Variants in SUMO2 observed in about 807,000 individuals in gnomAD.
SUMO2 encodes the protein small ubiquitin-related modifier 2.
A neutral mutation model predicts 16.0 loss-of-function variants in SUMO2; 1 was observed. The observed-to-expected ratio is 0.06, with a 90% CI of 0.02 to 0.30. The LOEUF (loss-of-function observed/expected upper bound fraction) is 0.30. Among genes scored for constraint, SUMO2 ranks in the 10% least tolerant of loss-of-function variants. The probability of loss-of-function intolerance (pLI) is 1.00; values close to 1 mark genes in which losing one functional copy is unlikely to be tolerated. For missense variants in SUMO2, 16 were observed against 117.5 expected (o/e 0.14, Z 3.99); for synonymous variants, 36 against 40.6 (o/e 0.89, Z 0.43).
intron 2 of SUMO2, among the ~76,000 whole-genome samples, chr17:75,179,349 T>C (rs2074808551): frequency 6.6e-6 from 1 of 151,992 alleles, no homozygotes; most frequent in African/African-American, 2.4e-5. Flanking sequence ...ACCAATATGG[T>C]GAAACCCCAT....
At chr17:75,170,573 A>C (rs1351141517) in intron 3 of SUMO2, among the ~76,000 whole-genome samples, 1 of 151,600 alleles carries the variant, frequency 6.6e-6, no homozygotes, top group East Asian at 1.9e-4. Flanking sequence ...TGTCTCAAAA[A>C]ACAAAAACAA....
intron 2 of SUMO2, among the ~76,000 whole-genome samples, chr17:75,178,201 T>C (rs1598227051): frequency 1.4e-5 from 2 of 147,860 alleles, no homozygotes; most frequent in Non-Finnish European, 3.0e-5. Flanking sequence ...TGCAGAAAAG[T>C]TAAATAAGAT....
At chr17:75,180,303 G>A (rs568871872) in intron 2 of SUMO2, among the ~76,000 whole-genome samples, 2 of 143,492 alleles carry the variant, frequency 1.4e-5, no homozygotes, top group Non-Finnish European at 3.0e-5. Flanking sequence ...AACAGAGCAA[G>A]ACTCCATCAA....
intron 3 of SUMO2, among the ~76,000 whole-genome samples, chr17:75,172,774 G>A (rs1006759561): frequency 4.6e-5 from 7 of 151,636 alleles, no homozygotes; most frequent in Admixed American, 2.6e-4. Flanking sequence ...TGCGCCCGGC[G>A]ATGCCTGGCT....
chr17:75,166,029 A>AC lies in SUMO2; in HGVS notation c.*2309_*2310insG, dbSNP rs527926733. On this transcript the variant is annotated 3_prime_UTR_variant, in exon 4 of 4. Transcript: ENST00000420826. ...CGACAGAGCAAGACTCCGTCTGAAA[A>AC]AAAAACAAAAACAAAAACAAAAACT... 9.5e-4 allele frequency: 145 copies of AC among 152,428 alleles called. 1 individual carries two copies. The highest frequency in any genetic ancestry group is 2.5e-3 in the East Asian group (13 of 5,186). The allele number at this position is 152,428 out of a possible 1,614,324, so 9.4% of individuals were successfully genotyped here. A position where few individuals can be genotyped will look rare whatever the true frequency, so the allele number is the denominator to read the frequency against.
chr17:75,180,174 C>A (rs1461679225), intron 2 of SUMO2, among the ~76,000 whole-genome samples: 1 of 150,836 alleles, frequency 6.6e-6, no homozygotes, highest in African/African-American at 2.4e-5. Flanking sequence ...ATTAGCCGGG[C>A]GTGGTGGCGC....
chr17:75,178,113 A>G (rs954354882), intron 2 of SUMO2, among the ~76,000 whole-genome samples: 1 of 151,660 alleles, frequency 6.6e-6, no homozygotes, highest in Non-Finnish European at 1.5e-5. Context: ...AGCCATGATC[A>G]TAATCCTCCC....
At chr17:75,172,079 G>A (rs1057002772) in intron 3 of SUMO2, among the ~76,000 whole-genome samples, 3 of 150,180 alleles carry the variant, frequency 2.0e-5, no homozygotes, top group African/African-American at 4.9e-5. Flanking sequence ...TGACCTCCGC[G>A]CTCACTGCAA....
chr17:75,176,885 A>G (rs1258358539), intron 2 of SUMO2, among the ~76,000 whole-genome samples: 1 of 151,994 alleles, frequency 6.6e-6, no homozygotes, highest in Non-Finnish European at 1.5e-5. Flanking sequence ...TATAACCATC[A>G]TCTACTTAAA....
At chr17:75,169,866 T>TGGGG (rs1193243883) in intron 3 of SUMO2, among the ~76,000 whole-genome samples, 15 of 64,396 alleles carry the variant, frequency 2.3e-4, no homozygotes, top group African/African-American at 8.5e-4. Context: ...AAAAAAAAGG[T>TGGGG]GGGGGGGGGC....
chr17:75,173,669 G>T (rs564589815), intron 3 of SUMO2, among the ~76,000 whole-genome samples: 1 of 152,112 alleles, frequency 6.6e-6, no homozygotes, highest in Admixed American at 6.6e-5. Context: ...TAAAGAGAGG[G>T]TTTTGCCATG....
In SUMO2 at chr17:75,182,945, T is replaced by C. The variant is rs1382244519; in HGVS notation, c.-111A>G. 7 of 966,320 alleles carry C rather than the reference T, an allele frequency of 7.2e-6. No individual in the cohort carries two copies. Among genetic ancestry groups the C allele is most frequent in the Middle Eastern group, 3.7e-4 (1 of 2,668 alleles). 59.9% of individuals were successfully genotyped at this position (966,320 alleles called of 1,614,324 possible). On this transcript the variant is annotated 5_prime_UTR_variant, in exon 1 of 4. Coordinates refer to ENST00000420826, the MANE Select transcript of SUMO2 (RefSeq NM_006937.4). ...CGGCAGAAGAAGGAGGCGGCAGCGGTGGACGAGGGGAGAGGGTGCGCGCAC... is the reference window on the plus strand; with the variant it reads ...CGGCAGAAGAAGGAGGCGGCAGCGGCGGACGAGGGGAGAGGGTGCGCGCAC...
chr17:75,177,983 C>T (rs1374197657), intron 2 of SUMO2, among the ~76,000 whole-genome samples: 4 of 75,834 alleles, frequency 5.3e-5, no homozygotes, highest in Non-Finnish European at 6.8e-5. Flanking sequence ...AGCGAGACTC[C>T]GTCTCAAAAA....
rs754941027 is a variant in SUMO2, at chr17:75,181,159, A to G, written c.51T>C (p.His17=). Residue 17 remains histidine (H), a synonymous_variant, in exon 2 of 4, where the codon CAT becomes CAC. Transcript: ENST00000420826. ...KEGVKTENND[H]INLKVAGQDG... ...CCTGCCCCGCCACCTTCAAATTAAT[A>G]TGATCGTTGTTCTCAGTCTTGACTC... 4.3e-6 allele frequency: 7 copies of G among 1,613,986 alleles called. No homozygotes were observed. The South Asian group carries it at 6.6e-5, about 15-fold the overall frequency.
intron 2 of SUMO2, among the ~76,000 whole-genome samples, chr17:75,178,412 G>A (rs539564225): frequency 3.4e-4 from 51 of 151,244 alleles, no homozygotes; most frequent in African/African-American, 1.2e-3. Flanking sequence ...TACTTGGGAG[G>A]CTGAGGCAGG....
chr17:75,174,234 A>C (rs1274255719), intron 3 of SUMO2, among the ~76,000 whole-genome samples: 1 of 152,136 alleles, frequency 6.6e-6, no homozygotes, highest in Non-Finnish European at 1.5e-5. Context: ...TACCAAAAAT[A>C]CAAAAATTAG....
chr17:75,181,234 G>A (rs1159827760), intron 1 of SUMO2, 46 bp from the exon 2 acceptor site: 4 of 1,600,196 alleles, frequency 2.5e-6, no homozygotes, highest in Non-Finnish European at 3.4e-6. Flanking sequence ...TGTGATCAAC[G>A]AACACGTTTT....
At chr17:75,176,388 G>A (rs565970974) in intron 2 of SUMO2, among the ~76,000 whole-genome samples, 42 of 152,126 alleles carry the variant, frequency 2.8e-4, no homozygotes, top group African/African-American at 9.4e-4. Flanking sequence ...AGGAGACCAA[G>A]GCAGATCATC....
chr17:75,178,627 G>A (rs973136082), intron 2 of SUMO2, among the ~76,000 whole-genome samples: 1 of 152,212 alleles, frequency 6.6e-6, no homozygotes, highest in South Asian at 2.1e-4. Context: ...GGAGTGCAGC[G>A]ATGAGATCAT....
Sources: gnomAD v4.1 joint callset for allele counts (sites outside exome capture counted in the v4.1 genomes callset) on GRCh38, gnomAD v4.1.1 for gene constraint, MANE v1.5 for transcripts, NCBI Gene and HGNC (gene_info 2026-07-23, HGNC 2026-07-21) for gene names.